PACSIN2: variants seen among roughly 807,000 people sequenced by gnomAD.
The protein encoded by PACSIN2 is protein kinase C and casein kinase substrate in neurons protein 2.
A neutral mutation model predicts 63.8 loss-of-function variants in PACSIN2; 25 were observed. The ratio of observed to expected loss-of-function variants is 0.39; its 90% CI spans 0.29 to 0.55. PACSIN2 has a LOEUF of 0.55. Among genes scored for constraint, PACSIN2 ranks in the 20% least tolerant of loss-of-function variants. The pLI, the probability that PACSIN2 is intolerant of heterozygous loss-of-function variation, is 0.62. For missense variants in PACSIN2, 518 were observed against 646.9 expected (o/e 0.80, Z 2.16); for synonymous variants, 255 against 256.2 (o/e 1.00, Z 0.05).
Position 42,961,681 on chromosome 22 carries a change from G to A in PACSIN2, c.-77-49524C>T, listed in dbSNP as rs566125885. Among the ~76,000 whole-genome samples the A allele has an allele frequency of 4.6e-5, 7 of 152,228 alleles. No individual in the cohort carries two copies. The East Asian group carries it at 7.7e-4, about 17-fold the overall frequency. ...CCAGCTACTCAGGAGGCTGAGGCACGAGAATCGCTTGACCCCAGGGAGCAG... is the reference window on the plus strand; with the variant it reads ...CCAGCTACTCAGGAGGCTGAGGCACAAGAATCGCTTGACCCCAGGGAGCAG... On this transcript the variant is annotated intron_variant, in intron 1 of 10. Coordinates refer to ENST00000263246, the MANE Select transcript of PACSIN2 (RefSeq NM_001184970.3).
chr22:42,976,860 A>C (rs1030998968), intron 1 of PACSIN2, among the ~76,000 whole-genome samples: 2 of 152,194 alleles, frequency 1.3e-5, no homozygotes, highest in African/African-American at 4.8e-5. Flanking sequence ...AATTTGGCTA[A>C]CGTCAGAGAA....
chr22:42,909,467 C>G (rs1234394212), intron 2 of PACSIN2: 3 of 469,272 alleles, frequency 6.4e-6, no homozygotes, highest in Non-Finnish European at 1.3e-5. Context: ...CTGAGTCTCT[C>G]AGATCCCAGC....
chr22:42,999,718 T>C (rs1280413488), intron 1 of PACSIN2, among the ~76,000 whole-genome samples: 1 of 151,838 alleles, frequency 6.6e-6, no homozygotes, highest in Non-Finnish European at 1.5e-5. Flanking sequence ...ACAGGACTGA[T>C]GGAGCAGTCC....
chr22:42,912,303 G>T, intron 1 of PACSIN2, 146 bp from the exon 2 acceptor site: 1 of 518,558 alleles, frequency 1.9e-6, no homozygotes, highest in Non-Finnish European at 3.4e-6. Flanking sequence ...CAGAAAGCCA[G>T]TAGACTCTAA....
intron 6 of PACSIN2, among the ~76,000 whole-genome samples, chr22:42,883,167 C>T (rs1400142713): frequency 6.6e-6 from 1 of 152,152 alleles, no homozygotes; most frequent in Admixed American, 6.5e-5. Flanking sequence ...GGGAGTCACT[C>T]CACATGCAGA....
Position 42,871,345 on chromosome 22 carries a change from G to A in PACSIN2, c.*12C>T, listed in dbSNP as rs1261671319. On this transcript the variant is annotated 3_prime_UTR_variant, in exon 11 of 11. Transcript: ENST00000263246. This position sits in a 1 kb window ranked among gnomAD's most constrained non-coding sequence, Gnocchi z 5.4. ...GCCGCCTCCGTCCCCCCGCTGGCCT[G>A]TCCCCGACTCATCACTGGATCGCCT... 1.3e-6 allele frequency: 2 copies of A among 1,584,658 alleles called. No homozygotes were observed. Among genetic ancestry groups the A allele is most frequent in the Non-Finnish European group, 1.7e-6 (2 of 1,153,066 alleles).
intron 1 of PACSIN2, among the ~76,000 whole-genome samples, chr22:42,962,686 C>T (rs928723347): frequency 1.3e-4 from 18 of 140,404 alleles, no homozygotes; most frequent in African/African-American, 3.9e-4. Context: ...CTCACATGCC[C>T]TCAGGCAAAG....
chr22:42,961,399 T>C (rs1934128192), intron 1 of PACSIN2, among the ~76,000 whole-genome samples: 1 of 146,454 alleles, frequency 6.8e-6, no homozygotes, highest in Admixed American at 7.1e-5. Context: ...TATTGTCCTA[T>C]GACCCTGCCA....
intron 1 of PACSIN2, among the ~76,000 whole-genome samples, chr22:42,917,825 A>G (rs1931913236): frequency 6.6e-6 from 1 of 151,314 alleles, no homozygotes; most frequent in African/African-American, 2.4e-5. Context: ...GGATCTCACT[A>G]TGTTGCCCCG....
At chr22:42,961,144 T>A (rs763940841) in intron 1 of PACSIN2, among the ~76,000 whole-genome samples, 1 of 152,230 alleles carries the variant, frequency 6.6e-6, no homozygotes, top group Non-Finnish European at 1.5e-5. Flanking sequence ...AAGAACATAC[T>A]GCAAGGGGAA....
intron 1 of PACSIN2, among the ~76,000 whole-genome samples, chr22:42,945,310 G>A (rs1449113023): frequency 6.6e-6 from 1 of 152,088 alleles, no homozygotes; most frequent in East Asian, 1.9e-4. Context: ...GCTGCAGTGT[G>A]CCTTCTCTCA....
chr22:43,014,341 CA>C (rs1924714280), intron 1 of PACSIN2, among the ~76,000 whole-genome samples: 2 of 19,472 alleles, frequency 1.0e-4, no homozygotes, highest in African/African-American at 6.3e-4. Context: ...CACACACACA[CA>C]CACACACACA....
rs185372886 is a variant in PACSIN2 at position 42,956,248 on chromosome 22, T to G, written c.-77-44091A>C. Reference sequence around the variant, plus strand: ...AATTCTAACTTCCTATTAGATTCTTTAAGTTTCTCAAAATAAAATATGTAC... The same window carrying G: ...AATTCTAACTTCCTATTAGATTCTTGAAGTTTCTCAAAATAAAATATGTAC... On this transcript the variant is annotated intron_variant, in intron 1 of 10. Coordinates refer to ENST00000263246, the MANE Select transcript of PACSIN2 (RefSeq NM_001184970.3). 1.0e-3 allele frequency among the ~76,000 whole-genome samples: 158 copies of G among 152,372 alleles called. 2 individuals carry two copies. The highest frequency in any genetic ancestry group is 3.8e-3 in the African/African-American group (156 of 41,586).
At chr22:42,936,918 G>GT (rs1491410989) in intron 1 of PACSIN2, among the ~76,000 whole-genome samples, 1 of 127,248 alleles carries the variant, frequency 7.9e-6, no homozygotes, top group Non-Finnish European at 1.8e-5. Context: ...CTCAAAAAAA[G>GT]GGGGGGGGGC....
intron 1 of PACSIN2, among the ~76,000 whole-genome samples, chr22:42,947,726 A>C (rs1019763128): frequency 2.0e-5 from 3 of 151,990 alleles, no homozygotes; most frequent in African/African-American, 7.3e-5. Flanking sequence ...AATACCTAAG[A>C]GCTCTGCGCC....
rs370178300 is a variant in PACSIN2 at position 42,921,984 on chromosome 22, C to T, written c.-77-9827G>A. On this transcript the variant is annotated intron_variant, in intron 1 of 10. Coordinates refer to ENST00000263246, the MANE Select transcript of PACSIN2 (RefSeq NM_001184970.3). ...GAACTCCTGAACTCAGGTGATCCAC[C>T]TGCCTCAGCCTCCCAAAGTGCTGGG... 1.7e-4 allele frequency among the ~76,000 whole-genome samples: 26 copies of T among 152,338 alleles called. No individual in the cohort carries two copies. In the East Asian group the frequency reaches 4.4e-3, roughly 26 times the overall value.
At chr22:42,921,886 T>G (rs529870816) in intron 1 of PACSIN2, among the ~76,000 whole-genome samples, 10 of 152,066 alleles carry the variant, frequency 6.6e-5, no homozygotes, top group South Asian at 4.2e-4. Flanking sequence ...TTACAGGCGC[T>G]CACCACCATG....
At chr22:42,895,472 A>G (rs1003613864) in intron 2 of PACSIN2, among the ~76,000 whole-genome samples, 2 of 152,180 alleles carry the variant, frequency 1.3e-5, no homozygotes. Flanking sequence ...CCATCAAATC[A>G]TGTATTTTGG....
At chr22:42,902,364 CT>C (rs1930752635) in intron 2 of PACSIN2, among the ~76,000 whole-genome samples, 1 of 152,196 alleles carries the variant, frequency 6.6e-6, no homozygotes, top group African/African-American at 2.4e-5. Context: ...ACCCCTCCCC[CT>C]GGTGGACATG....
Sources: gnomAD v4.1 joint callset for allele counts (sites outside exome capture counted in the v4.1 genomes callset) on GRCh38, gnomAD v4.1.1 for gene constraint, Gnocchi (gnomAD v3.1) non-coding constraint, MANE v1.5 for transcripts, NCBI Gene and HGNC (gene_info 2026-07-23, HGNC 2026-07-21) for gene names.